The following NIPBL variants were observed in gnomAD, a reference collection of about 807,000 sequenced individuals.
The protein encoded by NIPBL is nipped-B-like protein.
NIPBL carries 19 observed loss-of-function variants against 321.8 expected under a neutral mutation model. The ratio of observed to expected loss-of-function variants is 0.06; its 90% CI spans 0.04 to 0.09. NIPBL has a LOEUF of 0.09. Ranked by LOEUF, NIPBL falls within the 10% of genes least tolerant of loss-of-function variation. The pLI is 1.00. For missense variants in NIPBL, 2,210 were observed against 3,327.0 expected (o/e 0.66, Z 8.26); for synonymous variants, 1,106 against 1,114.1 (o/e 0.99, Z 0.14).
At chr5:36,992,770 T>A (rs1180125031) in intron 10 of NIPBL, among the ~76,000 whole-genome samples, 3 of 147,422 alleles carry the variant, frequency 2.0e-5, no homozygotes, top group African/African-American at 7.7e-5. Context: ...TGAGATGGAG[T>A]CTCGCTGTGT....
chr5:36,931,271 A>G (rs1340966796), intron 1 of NIPBL, among the ~76,000 whole-genome samples: 1 of 151,644 alleles, frequency 6.6e-6, no homozygotes, highest in Non-Finnish European at 1.5e-5. Flanking sequence ...TTTTTAATAT[A>G]AGTTGTGTAA....
At chr5:36,987,765 G>T (rs937696607) in intron 10 of NIPBL, among the ~76,000 whole-genome samples, 1 of 152,078 alleles carries the variant, frequency 6.6e-6, no homozygotes, top group Non-Finnish European at 1.5e-5. Context: ...CTTACCAAAA[G>T]TCAGTTAAGA....
At chr5:36,886,931 C>G (rs1004295707) in intron 1 of NIPBL, among the ~76,000 whole-genome samples, 1 of 151,838 alleles carries the variant, frequency 6.6e-6, no homozygotes, top group Non-Finnish European at 1.5e-5. Context: ...TTCTATGTAT[C>G]AGTAGTTTGT....
chr5:37,013,405 C>T (rs192277412), intron 21 of NIPBL, among the ~76,000 whole-genome samples: 1 of 152,048 alleles, frequency 6.6e-6, no homozygotes, highest in African/African-American at 2.4e-5. Flanking sequence ...CTCCTCACTT[C>T]CCAGACAGGG....
intron 1 of NIPBL, among the ~76,000 whole-genome samples, chr5:36,929,032 G>T (rs965355023): frequency 6.6e-6 from 1 of 151,496 alleles, no homozygotes; most frequent in East Asian, 1.9e-4. Flanking sequence ...CCTAAGAATG[G>T]AATTGCTGGG....
chr5:37,011,335 T>A (rs535638246), intron 21 of NIPBL, among the ~76,000 whole-genome samples: 2 of 152,298 alleles, frequency 1.3e-5, no homozygotes, highest in South Asian at 4.2e-4. Context: ...GTGGGCAGAT[T>A]GCTTGAGGCC....
intron 34 of NIPBL, among the ~76,000 whole-genome samples, chr5:37,043,565 G>T (rs1752675687): frequency 6.6e-6 from 1 of 151,856 alleles, no homozygotes; most frequent in Non-Finnish European, 1.5e-5. Flanking sequence ...AACCGGGTGT[G>T]GTATTATGCG....
At chr5:36,987,699 G>T (rs145824072) in intron 10 of NIPBL, among the ~76,000 whole-genome samples, 10 of 152,202 alleles carry the variant, frequency 6.6e-5, no homozygotes, top group African/African-American at 1.9e-4. Flanking sequence ...CTTCTGAGTC[G>T]CTAATATTTG....
rs774242183 is a variant in NIPBL at position 37,059,180 on chromosome 5, G to C, written c.7685+15G>C. The C allele has an allele frequency of 1.2e-6, 2 of 1,613,576 alleles. No individual in the cohort carries two copies. The highest frequency in any genetic ancestry group is 3.3e-5 in the Admixed American group (2 of 60,012). On this transcript the variant is annotated intron_variant, in intron 44 of 46. Transcript: ENST00000282516. Reference sequence around the variant, plus strand: ...TTTTCTGATAGGTAAGGTTACATAAGCAGTGAGAGAAAAAACTTCACTCTG... The same window carrying C: ...TTTTCTGATAGGTAAGGTTACATAACCAGTGAGAGAAAAAACTTCACTCTG...
intron 1 of NIPBL, among the ~76,000 whole-genome samples, chr5:36,950,032 C>T (rs1005779411): frequency 2.0e-5 from 3 of 151,858 alleles, no homozygotes; most frequent in Non-Finnish European, 4.4e-5. Context: ...AATGATTTCT[C>T]AATGTATTTT....
rs1168002649 is a variant in NIPBL at position 37,008,055 on chromosome 5, A to G, written c.4287A>G (p.Glu1429=). Residue 1429 remains glutamate, a synonymous_variant, in exon 19 of 47, where the codon GAA becomes GAG. Transcript: ENST00000282516. ...CATTTTTTGTGGAAAATGTCAGTGA[A>G]CTACAGTTGTGTGCCATTAAGTTAG... ...ITPFFVENVS[E]LQLCAIKLVT... 3.1e-6 allele frequency: 5 copies of G among 1,611,220 alleles called. No homozygotes were observed. The highest frequency in any genetic ancestry group is 8.5e-7 in the Non-Finnish European group (1 of 1,177,736).
chr5:37,029,540 G>A (rs190680543), intron 32 of NIPBL, among the ~76,000 whole-genome samples: 397 of 152,242 alleles, frequency 2.6e-3, no homozygotes, highest in African/African-American at 8.8e-3. Flanking sequence ...GGTGTGTAAG[G>A]TTTTGTGTAG....
chr5:36,922,040 C>A (rs781334158), intron 1 of NIPBL, among the ~76,000 whole-genome samples: 1 of 151,900 alleles, frequency 6.6e-6, no homozygotes, highest in Non-Finnish European at 1.5e-5. Context: ...GCTCCCACCA[C>A]CACGCCTGGT....
At chr5:36,901,182 GATAAC>G (rs1747181526) in intron 1 of NIPBL, among the ~76,000 whole-genome samples, 1 of 152,154 alleles carries the variant, frequency 6.6e-6, no homozygotes, top group Admixed American at 6.5e-5. Context: ...ACTTACAAGA[GATAAC>G]ATGCAGTATT....
At chr5:37,037,915 C>CT (rs1751892982) in intron 33 of NIPBL, among the ~76,000 whole-genome samples, 1 of 148,678 alleles carries the variant, frequency 6.7e-6, no homozygotes, top group South Asian at 2.1e-4. Context: ...AACAACATGT[C>CT]TTTTTGTACC....
intron 1 of NIPBL, among the ~76,000 whole-genome samples, chr5:36,887,728 G>A (rs1156533228): frequency 6.6e-6 from 1 of 152,002 alleles, no homozygotes; most frequent in African/African-American, 2.4e-5. Context: ...TGCTACCTGT[G>A]TGCTGATGAC....
chr5:36,894,965 A>G (rs1377848235), intron 1 of NIPBL, among the ~76,000 whole-genome samples: 1 of 152,224 alleles, frequency 6.6e-6, no homozygotes, highest in Non-Finnish European at 1.5e-5. Flanking sequence ...GGTGTAGCTC[A>G]TCTGGACTGG....
Position 36,895,409 on chromosome 5 carries a change from GAAT to G in NIPBL, c.-80+18235_-80+18237del, listed in dbSNP as rs1406658720. On this transcript the variant is annotated intron_variant, in intron 1 of 46. Transcript: ENST00000282516. ...ATTGTTTTCAACTTTTGACTATTAT[GAAT>G]AATGCTGTTATAAGCATTCATTTGT... 3.3e-5 allele frequency among the ~76,000 whole-genome samples: 5 copies of G among 152,216 alleles called. No individual in the cohort carries two copies. The East Asian group carries it at 9.7e-4, about 29-fold the overall frequency.
At chr5:36,998,040 G>A (rs72736707) in intron 11 of NIPBL, among the ~76,000 whole-genome samples, 2,987 of 152,190 alleles carry the variant, frequency 0.02, 43 homozygotes, top group Middle Eastern at 0.034. Context: ...CAAATATAAG[G>A]TCACTGGGTG....
Sources: gnomAD v4.1 joint callset for allele counts (sites outside exome capture counted in the v4.1 genomes callset) on GRCh38, gnomAD v4.1.1 for gene constraint, MANE v1.5 for transcripts, NCBI Gene and HGNC (gene_info 2026-07-23, HGNC 2026-07-21) for gene names.